Variants in RAPGEF1 observed in about 807,000 individuals in gnomAD.
The protein encoded by RAPGEF1 is Rap guanine nucleotide exchange factor 1, also known as CRK SH3-binding GNRP.
In RAPGEF1, 33 loss-of-function variants were observed where a neutral mutation model predicts 143.3. The ratio of observed to expected loss-of-function variants is 0.23; its 90% CI spans 0.17 to 0.31. The LOEUF is 0.31. RAPGEF1 is among the 10% of genes least tolerant of loss of function. The pLI is 1.00. For missense variants in RAPGEF1, 1,199 were observed against 1,645.4 expected (o/e 0.73, Z 4.69); for synonymous variants, 629 against 676.5 (o/e 0.93, Z 1.09).
chr9:131,589,771 CAAGA>C, intron 19 of RAPGEF1, 111 bp downstream of exon 19: 1 of 973,110 alleles, frequency 1.0e-6, no homozygotes, highest in South Asian at 1.4e-5. Flanking sequence ...CTCAAAGGAC[CAAGA>C]TAGAGCAGGC....
At chr9:131,703,830 G>C (rs138338166) in intron 1 of RAPGEF1, among the ~76,000 whole-genome samples, 248 of 152,286 alleles carry the variant, frequency 1.6e-3, no homozygotes, top group African/African-American at 5.6e-3. Context: ...GGTCCTTCAA[G>C]ACCATCAGGC....
At chr9:131,693,822 T>C (rs1308544039) in intron 1 of RAPGEF1, among the ~76,000 whole-genome samples, 1 of 152,020 alleles carries the variant, frequency 6.6e-6, no homozygotes, top group Non-Finnish European at 1.5e-5. Flanking sequence ...ACCACCCTTA[T>C]CTGCCTGCAA....
intron 1 of RAPGEF1, among the ~76,000 whole-genome samples, chr9:131,679,871 T>A (rs953375113): frequency 6.6e-6 from 1 of 152,162 alleles, no homozygotes; most frequent in Non-Finnish European, 1.5e-5. Flanking sequence ...CCAGGAAGAA[T>A]GGCCCCAGAG....
Position 131,739,990 on chromosome 9 carries a change from G to T in RAPGEF1, c.-160C>A. The T allele has an allele frequency of 4.9e-6, 1 of 203,230 alleles. No individual in the cohort carries two copies. The highest frequency in any genetic ancestry group is 8.4e-6 in the Non-Finnish European group (1 of 118,616). The allele number at this position is 203,230 out of a possible 1,614,324, so 12.6% of individuals were successfully genotyped here. ...CGCTCCAGCCCGCCCGGGCCCAGCC[G>T]CTCCCGCCGCGCCCGCCGCCGCCGC... On this transcript the variant is annotated 5_prime_UTR_variant, in exon 1 of 27. Coordinates refer to ENST00000683357, the MANE Select transcript of RAPGEF1 (RefSeq NM_001377935.1).
chr9:131,729,627 C>T (rs570702960), intron 1 of RAPGEF1, among the ~76,000 whole-genome samples: 190 of 152,282 alleles, frequency 1.2e-3, no homozygotes, highest in Admixed American at 2.5e-3. Context: ...AGCCCTAGAC[C>T]CCAGGAAGGG....
intron 1 of RAPGEF1, among the ~76,000 whole-genome samples, chr9:131,713,972 C>G (rs1488958619): frequency 2.0e-5 from 3 of 152,130 alleles, no homozygotes; most frequent in Non-Finnish European, 4.4e-5. Flanking sequence ...GTAAGATCCA[C>G]TGCAATATTC....
intron 1 of RAPGEF1, among the ~76,000 whole-genome samples, chr9:131,674,410 C>T (rs1217419979): frequency 1.3e-5 from 2 of 152,138 alleles, no homozygotes; most frequent in African/African-American, 4.8e-5. Flanking sequence ...TGCCCTCTTA[C>T]CCAAAGCAGT....
At chr9:131,738,095 G>T (rs538965088) in intron 1 of RAPGEF1, among the ~76,000 whole-genome samples, 1 of 152,104 alleles carries the variant, frequency 6.6e-6, no homozygotes, top group Non-Finnish European at 1.5e-5. Flanking sequence ...GATTACAGGC[G>T]TGAGCCACTG....
rs529506808 is a variant in RAPGEF1 at position 131,708,609 on chromosome 9, T to C, written c.61+31161A>G. Among the ~76,000 whole-genome samples, 9 of 152,362 alleles carry C rather than the reference T, an allele frequency of 5.9e-5. No individual in the cohort carries two copies. In the South Asian group the frequency reaches 1.9e-3, roughly 32 times the overall value. On this transcript the variant is annotated intron_variant, in intron 1 of 26. Coordinates refer to ENST00000683357, the MANE Select transcript of RAPGEF1 (RefSeq NM_001377935.1). ...GATTTTACAGAAAGTACCTTGAAAGTACTTTGGAACTTTTGGAAGTGCTAT... is the reference window on the plus strand; with the variant it reads ...GATTTTACAGAAAGTACCTTGAAAGCACTTTGGAACTTTTGGAAGTGCTAT...
At chr9:131,630,635 T>A (rs1450382989) in intron 5 of RAPGEF1, among the ~76,000 whole-genome samples, 1 of 152,170 alleles carries the variant, frequency 6.6e-6, no homozygotes, top group African/African-American at 2.4e-5. Context: ...AAAATACTCA[T>A]CAGAACAGGT....
intron 1 of RAPGEF1, among the ~76,000 whole-genome samples, chr9:131,731,569 C>A (rs191753387): frequency 4.4e-4 from 67 of 152,282 alleles, no homozygotes; most frequent in African/African-American, 1.6e-3. Context: ...GTCAGTGTCA[C>A]ACTCCTGCTC....
intron 1 of RAPGEF1, among the ~76,000 whole-genome samples, chr9:131,666,164 C>T (rs181748738): frequency 2.0e-5 from 3 of 152,312 alleles, no homozygotes; most frequent in Admixed American, 2.0e-4. Context: ...ATATAATTCT[C>T]TAAGTAGTTC....
chr9:131,580,190 T>C, intron 26 of RAPGEF1, 73 bp downstream of exon 26: 5 of 1,574,294 alleles, frequency 3.2e-6, no homozygotes, highest in Non-Finnish European at 3.5e-6. Flanking sequence ...CCCCTCGGTG[T>C]CCCGGGCTGT....
chr9:131,601,973 G>C, intron 15 of RAPGEF1, 88 bp downstream of exon 15: 1 of 900,076 alleles, frequency 1.1e-6, no homozygotes. Context: ...TCAGGCCTAG[G>C]GGCTAGCTGG....
chr9:131,681,576 G>A (rs1180470571), intron 1 of RAPGEF1, among the ~76,000 whole-genome samples: 1 of 152,078 alleles, frequency 6.6e-6, no homozygotes, highest in Non-Finnish European at 1.5e-5. Flanking sequence ...GCTCTTACTC[G>A]AGCTTGTCTA....
At chr9:131,642,603 G>T (rs937667400) in intron 4 of RAPGEF1, among the ~76,000 whole-genome samples, 33 of 152,304 alleles carry the variant, frequency 2.2e-4, no homozygotes, top group Middle Eastern at 3.4e-3. Flanking sequence ...TTTGGATAAG[G>T]CCCGCCCTGG....
chr9:131,739,408 G>C (rs759008636), intron 1 of RAPGEF1, among the ~76,000 whole-genome samples: 19 of 152,160 alleles, frequency 1.2e-4, no homozygotes, highest in Non-Finnish European at 2.4e-4. Flanking sequence ...AGCCCAGGCC[G>C]GGCACCGATC....
intron 6 of RAPGEF1, among the ~76,000 whole-genome samples, chr9:131,629,847 A>C (rs1964366986): frequency 6.6e-6 from 1 of 152,092 alleles, no homozygotes; most frequent in Admixed American, 6.5e-5. Context: ...CTTGGAGTAG[A>C]GATGAATATA....
At chr9:131,586,692 TCAAACA>T (rs1952974519) in intron 22 of RAPGEF1, among the ~76,000 whole-genome samples, 1 of 86,062 alleles carries the variant, frequency 1.2e-5, no homozygotes, top group East Asian at 3.2e-4. Flanking sequence ...AGACTCCGTC[TCAAACA>T]CACACACACA....
Sources: allele counts gnomAD v4.1 joint callset (sites outside exome capture counted in the v4.1 genomes callset), GRCh38; gene constraint gnomAD v4.1.1; transcripts MANE v1.5; gene names NCBI Gene and HGNC (gene_info 2026-07-23, HGNC 2026-07-21).